Variants in GAREM1 observed in about 807,000 individuals in gnomAD.
GAREM1 encodes the protein GRB2 associated regulator of MAPK1 subtype 1.
In GAREM1, 26 loss-of-function variants were observed where a neutral mutation model predicts 71.3. That is an observed-to-expected ratio of 0.36 (90% CI 0.27 to 0.51). The LOEUF is 0.51. Among genes scored for constraint, GAREM1 ranks in the 20% least tolerant of loss-of-function variants. The probability of loss-of-function intolerance (pLI) is 0.95; values close to 1 mark genes in which losing one functional copy is unlikely to be tolerated. For missense variants in GAREM1, 1,026 were observed against 1,103.1 expected (o/e 0.93, Z 0.99); for synonymous variants, 440 against 433.2 (o/e 1.02, Z -0.20).
chr18:32,315,181 C>T (rs2047363801), intron 2 of GAREM1, among the ~76,000 whole-genome samples: 1 of 151,814 alleles, frequency 6.6e-6, no homozygotes, highest in Non-Finnish European at 1.5e-5. Flanking sequence ...CAGAAATGTA[C>T]TCACAGGCCA....
At chr18:32,423,683 C>T (rs745873446) in intron 1 of GAREM1, among the ~76,000 whole-genome samples, 1 of 152,190 alleles carries the variant, frequency 6.6e-6, no homozygotes, top group Non-Finnish European at 1.5e-5. Context: ...CTCATACAAG[C>T]TTAACGTCAG....
rs78153597 is a variant in GAREM1 at position 32,294,731 on chromosome 18, G to C, written c.394-6528C>G. Among the ~76,000 whole-genome samples the C allele has an allele frequency of 1.9e-3, 293 of 151,906 alleles. 10 individuals are homozygous for C. In the East Asian group the frequency reaches 0.046, roughly 24 times the overall value. Reference sequence around the variant, plus strand: ...TTGCATGTCCAGTGTCTTACTGTAAGGTTTTTTCTCCAGTTAATTCTCTTG... The same window carrying C: ...TTGCATGTCCAGTGTCTTACTGTAACGTTTTTTCTCCAGTTAATTCTCTTG... On this transcript the variant is annotated intron_variant, in intron 3 of 5. Transcript: ENST00000269209.
rs895553683 is a variant in GAREM1 at position 32,366,091 on chromosome 18, A to G, written c.262+26804T>C. Among the ~76,000 whole-genome samples, 4 of 152,082 alleles carry G rather than the reference A, an allele frequency of 2.6e-5. No individual in the cohort carries two copies. In the South Asian group the frequency reaches 8.3e-4, roughly 32 times the overall value. On this transcript the variant is annotated intron_variant, in intron 2 of 5. Coordinates refer to ENST00000269209, the MANE Select transcript of GAREM1 (RefSeq NM_001242409.2). Reference sequence around the variant, plus strand: ...GAGTAATTTTATTTCATTGAAATATACTGCTACCTCTCCCTGCCTGCCACA... The same window carrying G: ...GAGTAATTTTATTTCATTGAAATATGCTGCTACCTCTCCCTGCCTGCCACA...
At chr18:32,444,796 A>G (rs905751111) in intron 1 of GAREM1, among the ~76,000 whole-genome samples, 14 of 152,150 alleles carry the variant, frequency 9.2e-5, no homozygotes, top group African/African-American at 3.4e-4. Context: ...CTGGTTCAGC[A>G]AATTCTAGAT....
chr18:32,439,987 G>A (rs1238068551), intron 1 of GAREM1, among the ~76,000 whole-genome samples: 1 of 152,148 alleles, frequency 6.6e-6, no homozygotes, highest in Non-Finnish European at 1.5e-5. Context: ...AGTCCCTTAG[G>A]ACCAGCGGGG....
At chr18:32,450,836 AG>A (rs1336599073) in intron 1 of GAREM1, among the ~76,000 whole-genome samples, 14 of 152,156 alleles carry the variant, frequency 9.2e-5, no homozygotes, top group African/African-American at 3.4e-4. Context: ...TCTGAACAGA[AG>A]CTTTAAGGGG....
intron 1 of GAREM1, among the ~76,000 whole-genome samples, chr18:32,432,293 T>A (rs1353859704): frequency 5.3e-5 from 8 of 152,098 alleles, no homozygotes; most frequent in African/African-American, 1.9e-4. Flanking sequence ...GTTATAACAT[T>A]AAATGCTTAC....
chr18:32,399,801 T>C (rs1339069799), intron 1 of GAREM1, among the ~76,000 whole-genome samples: 2 of 152,106 alleles, frequency 1.3e-5, no homozygotes, highest in African/African-American at 4.8e-5. Flanking sequence ...ATGACTTTCT[T>C]CACAGAATTG....
At chr18:32,284,537 C>T (rs752914280) in intron 4 of GAREM1, among the ~76,000 whole-genome samples, 5 of 152,108 alleles carry the variant, frequency 3.3e-5, no homozygotes, top group Non-Finnish European at 7.4e-5. Flanking sequence ...CATAAATGAC[C>T]CTGGGTGTGA....
intron 1 of GAREM1, among the ~76,000 whole-genome samples, chr18:32,421,278 T>C (rs571678056): frequency 1.8e-4 from 28 of 152,164 alleles, no homozygotes; most frequent in African/African-American, 6.5e-4. Flanking sequence ...TGGTACACAG[T>C]AAGCACTCAA....
intron 1 of GAREM1, among the ~76,000 whole-genome samples, chr18:32,457,221 G>A (rs1224512533): frequency 0.014 from 1,741 of 126,300 alleles, 40 homozygotes; most frequent in Non-Finnish European, 0.016. Flanking sequence ...GAGAGAGAGA[G>A]AGAGAGTGTG....
chr18:32,342,746 A>C (rs1051817597), intron 2 of GAREM1, among the ~76,000 whole-genome samples: 3 of 152,204 alleles, frequency 2.0e-5, no homozygotes, highest in African/African-American at 7.2e-5. Flanking sequence ...ATTGAATACT[A>C]TACACATCCA....
intron 2 of GAREM1, among the ~76,000 whole-genome samples, chr18:32,356,428 CTT>C (rs1190703082): frequency 6.6e-6 from 1 of 152,166 alleles, no homozygotes; most frequent in Non-Finnish European, 1.5e-5. Flanking sequence ...TAGCTCCTCT[CTT>C]TGATTCTTAG....
intron 2 of GAREM1, among the ~76,000 whole-genome samples, chr18:32,369,732 T>C (rs1039719517): frequency 2.0e-5 from 3 of 152,228 alleles, no homozygotes; most frequent in Non-Finnish European, 4.4e-5. Flanking sequence ...CAGGGCATCT[T>C]GTCAATAAAG....
intron 2 of GAREM1, among the ~76,000 whole-genome samples, chr18:32,332,305 T>G (rs2047544121): frequency 6.6e-6 from 1 of 151,754 alleles, no homozygotes; most frequent in African/African-American, 2.4e-5. Context: ...ATGCTGGTGT[T>G]CATTCGCTCA....
intron 2 of GAREM1, among the ~76,000 whole-genome samples, chr18:32,364,011 T>C (rs1386109277): frequency 1.7e-5 from 1 of 57,552 alleles, no homozygotes; most frequent in Non-Finnish European, 3.2e-5. Flanking sequence ...TATATATATA[T>C]ATATATATAT....
At chr18:32,271,001 G>C (rs1393322370) in intron 4 of GAREM1, among the ~76,000 whole-genome samples, 1 of 143,906 alleles carries the variant, frequency 6.9e-6, no homozygotes, top group East Asian at 2.1e-4. Context: ...CTGCTTCCTG[G>C]GCTCAGGTGA....
chr18:32,298,412 T>G (rs1049881807), intron 3 of GAREM1, among the ~76,000 whole-genome samples: 14 of 152,180 alleles, frequency 9.2e-5, no homozygotes, highest in African/African-American at 3.4e-4. Flanking sequence ...CCTTTTTTTT[T>G]TAATAGCAAA....
At chr18:32,345,037 G>A (rs2047681104) in intron 2 of GAREM1, among the ~76,000 whole-genome samples, 1 of 152,130 alleles carries the variant, frequency 6.6e-6, no homozygotes, top group Non-Finnish European at 1.5e-5. Flanking sequence ...ACTCCAGCCT[G>A]GGCGAAAGAG....
Sources: gnomAD v4.1 joint callset for allele counts (sites outside exome capture counted in the v4.1 genomes callset) on GRCh38, gnomAD v4.1.1 for gene constraint, MANE v1.5 for transcripts, NCBI Gene and HGNC (gene_info 2026-07-23, HGNC 2026-07-21) for gene names.